PPFIA2: variants seen among roughly 807,000 people sequenced by gnomAD.
PPFIA2 encodes the protein liprin-alpha-2.
PPFIA2 carries 46 observed loss-of-function variants against 175.5 expected under a neutral mutation model. The ratio of observed to expected loss-of-function variants is 0.26; its 90% CI spans 0.21 to 0.34. The LOEUF (loss-of-function observed/expected upper bound fraction) is 0.34, where lower values mean the gene tolerates loss of function less well. Ranked by LOEUF, PPFIA2 falls within the 10% of genes least tolerant of loss-of-function variation. PPFIA2 has a pLI of 1.00. For synonymous variants in PPFIA2, 568 were observed against 511.4 expected (o/e 1.11, Z -1.49); for missense variants, 1,179 against 1,506.1 (o/e 0.78, Z 3.60).
rs2071286610 is a variant in PPFIA2, at chr12:81,670,964, C to T, written c.303+5827G>A. 3.3e-5 allele frequency among the ~76,000 whole-genome samples: 5 copies of T among 152,038 alleles called. No homozygotes were observed. In the South Asian group the frequency reaches 1.0e-3, roughly 31 times the overall value. Reference sequence around the variant, plus strand: ...TATTCTGAACTCTCTCATCTTATAACTCTATATACATGTTTTTTGGGAGGA... The same window carrying T: ...TATTCTGAACTCTCTCATCTTATAATTCTATATACATGTTTTTTGGGAGGA... On this transcript the variant is annotated intron_variant, in intron 4 of 32. Coordinates refer to ENST00000549396, the MANE Select transcript of PPFIA2 (RefSeq NM_003625.5).
chr12:81,338,256 C>T (rs554373792), intron 21 of PPFIA2, among the ~76,000 whole-genome samples: 1 of 152,208 alleles, frequency 6.6e-6, no homozygotes, highest in Non-Finnish European at 1.5e-5. Flanking sequence ...CCATTCAGCA[C>T]TTACCACTGT....
intron 3 of PPFIA2, among the ~76,000 whole-genome samples, chr12:81,679,098 A>G (rs1052489614): frequency 6.6e-6 from 1 of 151,942 alleles, no homozygotes; most frequent in South Asian, 2.1e-4. Flanking sequence ...AAGATAAAAC[A>G]TAACTTAAAA....
intron 4 of PPFIA2, among the ~76,000 whole-genome samples, chr12:81,672,487 GA>G (rs950678928): frequency 2.0e-5 from 3 of 151,386 alleles, no homozygotes; most frequent in South Asian, 2.1e-4. Flanking sequence ...CCTCAGTGGG[GA>G]AAAAAAACCT....
At chr12:81,701,764 A>G (rs2153601622) in intron 3 of PPFIA2, among the ~76,000 whole-genome samples, 1 of 152,226 alleles carries the variant, frequency 6.6e-6, no homozygotes, top group South Asian at 2.1e-4. Context: ...AAAAAATAGT[A>G]ATACAGTTCT....
intron 4 of PPFIA2, among the ~76,000 whole-genome samples, chr12:81,620,103 T>G (rs1261660167): frequency 7.7e-6 from 1 of 130,240 alleles, no homozygotes; most frequent in African/African-American, 3.0e-5. Flanking sequence ...GAGCTTGCAG[T>G]GAGCCGAGAT....
chr12:81,599,822 GGA>G (rs544915133), intron 4 of PPFIA2, among the ~76,000 whole-genome samples: 12 of 151,876 alleles, frequency 7.9e-5, no homozygotes, highest in Non-Finnish European at 1.6e-4. Flanking sequence ...GGTCTGGAGA[GGA>G]ACTGGCCAAA....
intron 4 of PPFIA2, among the ~76,000 whole-genome samples, chr12:81,636,831 T>C (rs897201724): frequency 5.3e-5 from 8 of 151,650 alleles, no homozygotes; most frequent in African/African-American, 1.9e-4. Flanking sequence ...TTTTGTACTT[T>C]TAGTAGAGAT....
intron 4 of PPFIA2, among the ~76,000 whole-genome samples, chr12:81,536,741 TAA>T (rs986706542): frequency 2.2e-5 from 2 of 89,288 alleles, no homozygotes; most frequent in African/African-American, 9.2e-5. Context: ...TATATATACA[TAA>T]ACATATATAT....
At chr12:81,302,290 C>A in intron 22 of PPFIA2, 1 of 302,382 alleles carries the variant, frequency 3.3e-6, no homozygotes. Context: ...AGTACTGATT[C>A]TAGCTGATCC....
In PPFIA2 at chr12:81,407,524, A is replaced by AAATAAAATAC. The variant is rs386377148; in HGVS notation, c.646-1622_646-1621insGTATTTTATT. 2.6e-3 allele frequency among the ~76,000 whole-genome samples: 385 copies of AAATAAAATAC among 150,634 alleles called. 3 individuals carry two copies. The highest frequency in any genetic ancestry group is 8.5e-3 in the African/African-American group (347 of 40,810). On this transcript the variant is annotated intron_variant, in intron 7 of 32. Transcript: ENST00000549396. Reference sequence around the variant, plus strand: ...AAATAAAATAAAATAAAATAAAATAAAATACTTTAAAATTTTGTTAAAAAA... The same window carrying AAATAAAATAC: ...AAATAAAATAAAATAAAATAAAATAAAATAAAATACAATACTTTAAAATTTTGTTAAAAAA...
At chr12:81,413,307 C>T (rs1364949550) in intron 7 of PPFIA2, among the ~76,000 whole-genome samples, 1 of 151,584 alleles carries the variant, frequency 6.6e-6, no homozygotes, top group East Asian at 1.9e-4. Flanking sequence ...AAAAATTGGA[C>T]AGAAATGTTC....
chr12:81,380,543 A>C (rs1472576215), intron 9 of PPFIA2, among the ~76,000 whole-genome samples: 1 of 152,146 alleles, frequency 6.6e-6, no homozygotes, highest in Non-Finnish European at 1.5e-5. Flanking sequence ...TATTGAAAAA[A>C]AAAGATCCAA....
At chr12:81,695,262 CCTA>C (rs962328946) in intron 3 of PPFIA2, among the ~76,000 whole-genome samples, 9 of 152,084 alleles carry the variant, frequency 5.9e-5, no homozygotes, top group African/African-American at 2.2e-4. Context: ...TTGTCCCCAC[CCTA>C]CTTTTATGTG....
intron 4 of PPFIA2, among the ~76,000 whole-genome samples, chr12:81,648,547 G>A (rs961773571): frequency 6.6e-6 from 1 of 151,478 alleles, no homozygotes; most frequent in African/African-American, 2.4e-5. Context: ...GATTAAATAT[G>A]GGTAAGATAT....
At chr12:81,313,904 T>C (rs192761329) in intron 22 of PPFIA2, among the ~76,000 whole-genome samples, 7 of 152,024 alleles carry the variant, frequency 4.6e-5, no homozygotes, top group Admixed American at 4.6e-4. Context: ...ACTTACACAG[T>C]ATAAATACCT....
chr12:81,692,700 T>C (rs1011269113), intron 3 of PPFIA2, among the ~76,000 whole-genome samples: 4 of 152,122 alleles, frequency 2.6e-5, no homozygotes, highest in Non-Finnish European at 4.4e-5. Context: ...ATTCAATTGA[T>C]TGATGTTGAC....
chr12:81,524,090 G>C (rs1425881798), intron 4 of PPFIA2, among the ~76,000 whole-genome samples: 1 of 152,148 alleles, frequency 6.6e-6, no homozygotes, highest in Non-Finnish European at 1.5e-5. Context: ...CCTCCATCTT[G>C]TTTTCAAAGG....
intron 8 of PPFIA2, among the ~76,000 whole-genome samples, chr12:81,392,489 G>T (rs1311080034): frequency 6.6e-6 from 1 of 151,878 alleles, no homozygotes; most frequent in Non-Finnish European, 1.5e-5. Context: ...CCTGTGGAGT[G>T]AAGTAGGGGG....
intron 3 of PPFIA2, among the ~76,000 whole-genome samples, chr12:81,698,480 G>A (rs2076132892): frequency 6.6e-6 from 1 of 151,972 alleles, no homozygotes; most frequent in Non-Finnish European, 1.5e-5. Flanking sequence ...CTCCAGAACT[G>A]TAAAAAATAA....
Sources: allele counts gnomAD v4.1 joint callset (sites outside exome capture counted in the v4.1 genomes callset), GRCh38; gene constraint gnomAD v4.1.1; transcripts MANE v1.5; gene names NCBI Gene and HGNC (gene_info 2026-07-23, HGNC 2026-07-21).